The following ADGRL2 variants were observed in gnomAD, a reference collection of about 807,000 sequenced individuals.
The protein encoded by ADGRL2 is adhesion G protein-coupled receptor L2.
ADGRL2 carries 44 observed loss-of-function variants against 157.4 expected under a neutral mutation model. The ratio of observed to expected loss-of-function variants is 0.28; its 90% CI spans 0.22 to 0.36. The LOEUF (loss-of-function observed/expected upper bound fraction) is 0.36, where lower values mean the gene tolerates loss of function less well. Ranked by LOEUF, ADGRL2 falls within the 10% of genes least tolerant of loss-of-function variation. ADGRL2 has a pLI of 1.00. For missense variants in ADGRL2, 1,510 were observed against 1,768.9 expected (o/e 0.85, Z 2.63); for synonymous variants, 585 against 624.7 (o/e 0.94, Z 0.95).
intron 3 of ADGRL2, among the ~76,000 whole-genome samples, chr1:81,597,929 G>A (rs532908362): frequency 6.6e-6 from 1 of 152,264 alleles, no homozygotes; most frequent in South Asian, 2.1e-4. Flanking sequence ...CAGTCGTGCT[G>A]GGGAGCTATG....
At chr1:81,502,631 A>T in intron 2 of ADGRL2, 1 of 1,614,052 alleles carries the variant, frequency 6.2e-7, no homozygotes, top group Non-Finnish European at 8.5e-7. Flanking sequence ...GCCCACATCC[A>T]TCACCAGCGC....
intron 1 of ADGRL2, among the ~76,000 whole-genome samples, chr1:81,700,371 T>G (rs2083538623): frequency 6.6e-6 from 1 of 152,186 alleles, no homozygotes; most frequent in African/African-American, 2.4e-5. Context: ...TTATGTTTGA[T>G]AAGGATTCAA....
In ADGRL2 at chr1:81,953,011, A is replaced by G. The variant is rs746225953; in HGVS notation, c.1819A>G (p.Arg607Gly). 2 of 1,611,786 alleles carry G rather than the reference A, an allele frequency of 1.2e-6. No individual in the cohort carries two copies. The highest frequency in any genetic ancestry group is 1.3e-5 in the African/African-American group (1 of 74,904). ...GCTCCAAAAACGAGAGAAGACATGC[A>G]GGGCTTACCTTAAGGTATCTCTCCT... ...NKLQKREKTCRAYLKAIVDTV... is the reference protein window; with the variant it reads ...NKLQKREKTCGAYLKAIVDTV... The change falls in exon 10 of 24, where the codon AGG (arginine) becomes GGG (glycine). Residue 607 changes from arginine to glycine, a missense_variant. Coordinates refer to ENST00000686636, the MANE Select transcript of ADGRL2 (RefSeq NM_001366006.2).
chr1:81,470,080 T>G (rs1229148902), intron 2 of ADGRL2, among the ~76,000 whole-genome samples: 1 of 152,188 alleles, frequency 6.6e-6, no homozygotes, highest in Non-Finnish European at 1.5e-5. Flanking sequence ...AAACACGTGT[T>G]CCTTAAGTCA....
At chr1:81,722,088 C>A (rs1382054789) in intron 1 of ADGRL2, 4 of 374,872 alleles carry the variant, frequency 1.1e-5, no homozygotes, top group South Asian at 2.1e-5. Context: ...GTCAGGAGAT[C>A]GAGACCATCC....
chr1:81,885,865 G>C (rs1026611472), intron 2 of ADGRL2, among the ~76,000 whole-genome samples: 2 of 152,138 alleles, frequency 1.3e-5, no homozygotes, highest in African/African-American at 4.8e-5. Flanking sequence ...TGTGTGCACT[G>C]AAATAATCTC....
chr1:81,916,377 T>A (rs1357622948), intron 3 of ADGRL2, among the ~76,000 whole-genome samples: 1 of 152,174 alleles, frequency 6.6e-6, no homozygotes, highest in Non-Finnish European at 1.5e-5. Context: ...CAGATAAGAA[T>A]AGATGTTCAG....
rs537089342 is a variant in ADGRL2, at chr1:81,747,052, G to T, written c.-142-14759G>T. The stretch of plus-strand genomic sequence containing the variant: ...TATATACGTATATATATGTATATAC[G>T]TATATACACATGTGTATATATGTAT... On this transcript the variant is annotated intron_variant, in intron 1 of 20. Transcript: ENST00000359929. 3.5e-5 allele frequency among the ~76,000 whole-genome samples: 5 copies of T among 144,052 alleles called. No individual in the cohort carries two copies. The South Asian group carries it at 1.1e-3, about 31-fold the overall frequency. The allele number at this position is 144,052 out of a possible 152,430, so 94.5% of individuals were successfully genotyped here.
intron 3 of ADGRL2, among the ~76,000 whole-genome samples, chr1:81,585,052 A>G (rs1239295597): frequency 3.3e-5 from 5 of 152,132 alleles, no homozygotes; most frequent in South Asian, 2.1e-4. Context: ...AAAAATACTT[A>G]CATGTTACTT....
intron 1 of ADGRL2, among the ~76,000 whole-genome samples, chr1:81,404,180 T>C (rs1376154535): frequency 2.0e-5 from 3 of 152,176 alleles, no homozygotes; most frequent in Non-Finnish European, 2.9e-5. Flanking sequence ...GGTGAAGCTG[T>C]AACACCGGAA....
At chr1:81,849,391 C>T (rs1450672909) in intron 2 of ADGRL2, among the ~76,000 whole-genome samples, 1 of 151,916 alleles carries the variant, frequency 6.6e-6, no homozygotes, top group Non-Finnish European at 1.5e-5. Flanking sequence ...ATGACAGCAG[C>T]TGACTATTTG....
Position 81,401,248 on chromosome 1 carries a change from T to C in ADGRL2, c.-301-43788T>C, listed in dbSNP as rs376894744. On this transcript the variant is annotated intron_variant, in intron 1 of 24. Coordinates refer to the ADGRL2 transcript ENST00000370721. ...CAGCTCAGGCACAGAGGGATGAGAC[T>C]GTTCTGGGATGCCTGGTGCTGCTTC... Among the ~76,000 whole-genome samples the C allele has an allele frequency of 1.6e-4, 25 of 152,282 alleles. No homozygotes were observed. The East Asian group carries it at 4.3e-3, about 26-fold the overall frequency.
At chr1:81,369,901 A>G (rs2076133101) in intron 1 of ADGRL2, among the ~76,000 whole-genome samples, 1 of 152,200 alleles carries the variant, frequency 6.6e-6, no homozygotes, top group Non-Finnish European at 1.5e-5. Context: ...GAACTGAGGT[A>G]CTGCAAACTG....
At chr1:81,988,102 T>C (rs2149515051) in intron 23 of ADGRL2, among the ~76,000 whole-genome samples, 1 of 152,244 alleles carries the variant, frequency 6.6e-6, no homozygotes. Flanking sequence ...TGTCCATACT[T>C]AAGTATACGC....
Position 81,644,291 on chromosome 1 carries a change from T to A in ADGRL2, c.-143+63311T>A, listed in dbSNP as rs79118387. On this transcript the variant is annotated intron_variant, in intron 3 of 24. Coordinates refer to the ADGRL2 transcript ENST00000370721. ...CCTAGAAGATAACGTAGGAGGAAAT[T>A]TGATGGCATTGGGTTTGGAAACAGC... Among the ~76,000 whole-genome samples the A allele has an allele frequency of 1.6e-3, 248 of 152,278 alleles. 1 individual carries two copies. Among genetic ancestry groups the A allele is most frequent in the African/African-American group, 5.8e-3 (241 of 41,558 alleles).
rs2149570414 is a variant in ADGRL2, at chr1:81,993,572, C to T, written c.*2427C>T. 6.6e-6 allele frequency among the ~76,000 whole-genome samples: 1 copy of T among 152,234 alleles called. No homozygotes were observed. The highest frequency in any genetic ancestry group is 2.1e-4 in the South Asian group (1 of 4,822). ...TATCCTATGGATTCAATTTGGAAGC[C>T]ATCATTGATCTTTGGCATCAAAAGA... On this transcript the variant is annotated 3_prime_UTR_variant, in exon 24 of 24. Coordinates refer to ENST00000686636, the MANE Select transcript of ADGRL2 (RefSeq NM_001366006.2).
intron 2 of ADGRL2, among the ~76,000 whole-genome samples, chr1:81,764,351 A>C (rs1381356223): frequency 6.6e-6 from 1 of 152,164 alleles, no homozygotes; most frequent in Admixed American, 6.5e-5. Context: ...AGAGCAATTT[A>C]TTATAGGGCA....
At chr1:81,979,817 C>A in intron 17 of ADGRL2, 52 bp from the exon 18 acceptor site, 1 of 1,029,998 alleles carries the variant, frequency 9.7e-7, no homozygotes, top group Non-Finnish European at 1.5e-6. Flanking sequence ...AAGAACTATT[C>A]ATTTTTCAGC....
chr1:81,376,677 C>T (rs1440706117), intron 1 of ADGRL2, among the ~76,000 whole-genome samples: 2 of 151,832 alleles, frequency 1.3e-5, no homozygotes, highest in Non-Finnish European at 2.9e-5. Context: ...AATTATCCAC[C>T]CCTCAATATT....
Sources: gnomAD v4.1 joint callset for allele counts (sites outside exome capture counted in the v4.1 genomes callset) on GRCh38, gnomAD v4.1.1 for gene constraint, MANE v1.5 for transcripts, NCBI Gene and HGNC (gene_info 2026-07-23, HGNC 2026-07-21) for gene names.